The following CRHBP variants were observed in gnomAD, a reference collection of about 807,000 sequenced individuals.
CRHBP encodes corticotropin-releasing hormone-binding protein.
In CRHBP, 19 loss-of-function variants were observed where a neutral mutation model predicts 34.9. The observed-to-expected ratio is 0.55, with a 90% CI of 0.38 to 0.80. CRHBP has a LOEUF of 0.80. Among genes scored for constraint, CRHBP ranks in the 30% least tolerant of loss-of-function variants. The pLI is 0.00. For synonymous variants in CRHBP, 154 were observed against 153.4 expected (o/e 1.00, Z -0.03); for missense variants, 328 against 409.2 (o/e 0.80, Z 1.71).
chr5:76,975,812 A>G lies in CRHBP; in HGVS notation n.312-553A>G, dbSNP rs1179022767. The stretch of plus-strand genomic sequence containing the variant: ...GAGCGAGACTCTGTCTCAAAAAAAA[A>G]AAAAAAAAAAAAAATATATATATAT... On this transcript the variant is annotated intron_variant and non_coding_transcript_variant, in intron 2 of 3. Coordinates refer to the CRHBP transcript ENST00000514258. 4.7e-4 allele frequency among the ~76,000 whole-genome samples: 48 copies of G among 102,100 alleles called. 6 individuals carry two copies. Among genetic ancestry groups the G allele is most frequent in the African/African-American group, 2.3e-3 (46 of 19,694 alleles). 67.0% of individuals were successfully genotyped at this position (102,100 alleles called of 152,430 possible). A position where few individuals can be genotyped will look rare whatever the true frequency, so the allele number is the denominator to read the frequency against.
intron 1 of CRHBP, 153 bp downstream of exon 1, chr5:76,953,368 C>T: frequency 1.2e-6 from 1 of 840,026 alleles, no homozygotes; most frequent in Non-Finnish European, 1.9e-6. Flanking sequence ...ATCCTGTTCT[C>T]CCTCCTTGCC....
intron 3 of CRHBP, among the ~76,000 whole-genome samples, chr5:76,954,464 G>A (rs997815555): frequency 3.3e-5 from 5 of 152,072 alleles, no homozygotes; most frequent in Admixed American, 6.6e-5. Flanking sequence ...GGGCGCTTTC[G>A]AGGCCCTAGG....
rs1745731620 is a variant in CRHBP at position 76,958,892 on chromosome 5, G to A, written c.693+3G>A. On this transcript the variant is annotated splice_donor_region_variant and intron_variant, in intron 5 of 6. Transcript: ENST00000274368. The stretch of plus-strand genomic sequence containing the variant: ...ACGTAAATGGTCTTCAGTTAAAGGT[G>A]AGTTGCTTACTTGTTTCCTAACCGT... 1.9e-6 allele frequency: 3 copies of A among 1,613,176 alleles called. No homozygotes were observed. Among genetic ancestry groups the A allele is most frequent in the Admixed American group, 1.7e-5 (1 of 59,844 alleles).
At chr5:76,972,517 A>G (rs1745961833), downstream of CRHBP, among the ~76,000 whole-genome samples, 1 of 152,036 alleles carries the variant, frequency 6.6e-6, no homozygotes, top group African/African-American at 2.4e-5. Context: ...AAATTTATAG[A>G]GACAGGGTCT....
chr5:76,977,141 G>A (rs1037025905), intron 3 of CRHBP, among the ~76,000 whole-genome samples: 6 of 152,096 alleles, frequency 3.9e-5, no homozygotes, highest in African/African-American at 1.4e-4. Context: ...GGATGAGGCT[G>A]GTGTAACGTT....
At chr5:76,953,899 G>A in intron 2 of CRHBP, 130 bp from the exon 3 acceptor site, 1 of 1,274,872 alleles carries the variant, frequency 7.8e-7, no homozygotes, top group Non-Finnish European at 1.1e-6. Context: ...ACCCAGCGCA[G>A]CCTAGGCTGG....
rs150776211 is a variant in CRHBP at position 76,975,217 on chromosome 5, G to C, written n.312-1148G>C. Among the ~76,000 whole-genome samples, 108 of 152,242 alleles carry C rather than the reference G, an allele frequency of 7.1e-4. 1 individual carries two copies. The highest frequency in any genetic ancestry group is 2.5e-3 in the African/African-American group (104 of 41,538). On this transcript the variant is annotated intron_variant and non_coding_transcript_variant, in intron 2 of 3. Transcript: ENST00000514258. Reference sequence around the variant, plus strand: ...GCCAGCCAAAGACACCAGCACAGCAGGTAGCTACTGTGATTTCAGGGATAG... The same window carrying C: ...GCCAGCCAAAGACACCAGCACAGCACGTAGCTACTGTGATTTCAGGGATAG...
chr5:76,960,772 G>GTT (rs35214445), intron 5 of CRHBP, among the ~76,000 whole-genome samples: 28 of 148,282 alleles, frequency 1.9e-4, no homozygotes, highest in African/African-American at 2.5e-4. Flanking sequence ...TTTGTTTTTT[G>GTT]TTTTTTTTTT....
chr5:76,959,918 GGTGTTTCCT>G (rs955564081), intron 5 of CRHBP, among the ~76,000 whole-genome samples: 4 of 152,160 alleles, frequency 2.6e-5, no homozygotes, highest in Non-Finnish European at 5.9e-5. Flanking sequence ...GGGTAATCTT[GGTGTTTCCT>G]CCCGAACAAT....
intron 1 of CRHBP, 190 bp downstream of exon 1, chr5:76,953,405 C>A (rs2150703613): frequency 2.4e-6 from 2 of 830,450 alleles, no homozygotes; most frequent in African/African-American, 1.7e-5. Flanking sequence ...TGCCTGCCTG[C>A]CTTCCTCTGG....
intron 6 of CRHBP, among the ~76,000 whole-genome samples, chr5:76,967,748 G>T (rs1013136564): frequency 1.5e-4 from 23 of 151,410 alleles, no homozygotes; most frequent in Non-Finnish European, 2.9e-5. Flanking sequence ...GCCCAGGCTG[G>T]GGTGCAGTGG....
At chr5:76,969,934 C>CTTTTTT (rs201228247), downstream of CRHBP, among the ~76,000 whole-genome samples, 71 of 61,634 alleles carry the variant, frequency 1.2e-3, 4 homozygotes, top group Non-Finnish European at 1.5e-3. Context: ...AAAGAAAATT[C>CTTTTTT]TTTTTTTTTT....
intron 5 of CRHBP, among the ~76,000 whole-genome samples, chr5:76,962,889 G>A (rs1398831967): frequency 1.3e-5 from 2 of 152,166 alleles, no homozygotes; most frequent in Non-Finnish European, 2.9e-5. Flanking sequence ...GAGATGAGGT[G>A]AAGGAAAAAC....
chr5:76,975,871 T>C (rs35725174), intron 2 of CRHBP, among the ~76,000 whole-genome samples: 18,150 of 104,386 alleles, frequency 0.17, 1,927 homozygotes, highest in East Asian at 0.32. Context: ...TACACACACA[T>C]ATACATGCAT....
chr5:76,972,175 G>A (rs1440322692), downstream of CRHBP, among the ~76,000 whole-genome samples: 9 of 151,712 alleles, frequency 5.9e-5, no homozygotes, highest in Non-Finnish European at 1.0e-4. Context: ...TGGGGGTCAC[G>A]GGTGCATGCT....
intron 3 of CRHBP, among the ~76,000 whole-genome samples, chr5:76,954,927 T>G (rs1745645140): frequency 6.6e-6 from 1 of 152,218 alleles, no homozygotes; most frequent in South Asian, 2.1e-4. Context: ...TCACATGCGT[T>G]AGAAATAATT....
intron 3 of CRHBP, among the ~76,000 whole-genome samples, chr5:76,954,417 G>A (rs1469145372): frequency 6.6e-6 from 1 of 152,234 alleles, no homozygotes; most frequent in African/African-American, 2.4e-5. Flanking sequence ...GCTGGGGCCG[G>A]TGCCTCTGGA....
intron 3 of CRHBP, among the ~76,000 whole-genome samples, chr5:76,978,305 A>G (rs1746071184): frequency 6.6e-6 from 1 of 152,238 alleles, no homozygotes; most frequent in African/African-American, 2.4e-5. Context: ...AAGAGAAGTC[A>G]ATACCTGGTT....
At chr5:76,979,576 C>G (rs2150712781) in intron 3 of CRHBP, among the ~76,000 whole-genome samples, 1 of 152,202 alleles carries the variant, frequency 6.6e-6, no homozygotes, top group South Asian at 2.1e-4. Context: ...GTCTTGATCT[C>G]CTGACCTCAT....
Sources: allele counts gnomAD v4.1 joint callset (sites outside exome capture counted in the v4.1 genomes callset), GRCh38; gene constraint gnomAD v4.1.1; transcripts MANE v1.5; gene names NCBI Gene and HGNC (gene_info 2026-07-23, HGNC 2026-07-21).